ITPR1: variants seen among roughly 807,000 people sequenced by gnomAD.
ITPR1 encodes inositol 1,4,5-trisphosphate-gated calcium channel ITPR1.
ITPR1 carries 96 observed loss-of-function variants against 318.4 expected under a neutral mutation model. The ratio of observed to expected loss-of-function variants is 0.30; its 90% CI spans 0.26 to 0.36. The LOEUF (loss-of-function observed/expected upper bound fraction) is 0.36. Among genes scored for constraint, ITPR1 ranks in the 10% least tolerant of loss-of-function variants. ITPR1 has a pLI of 1.00. For synonymous variants in ITPR1, 1,312 were observed against 1,289.9 expected (o/e 1.02, Z -0.37); for missense variants, 2,440 against 3,460.2 (o/e 0.71, Z 7.40).
intron 26 of ITPR1, 97 bp downstream of exon 26, chr3:4,681,515 G>C (rs554631979): frequency 1.2e-6 from 1 of 861,872 alleles, no homozygotes; most frequent in Admixed American, 2.0e-5. Context: ...TTTAGTCTCT[G>C]GGCTTAGGTT....
chr3:4,751,115 T>G (rs532356167), intron 44 of ITPR1: 1 of 152,768 alleles, frequency 6.5e-6, no homozygotes, highest in South Asian at 2.1e-4. Flanking sequence ...CCATGCATCC[T>G]CCTTTGTCCT....
chr3:4,693,345 A>G, intron 32 of ITPR1, 145 bp from the exon 33 acceptor site: 2 of 860,544 alleles, frequency 2.3e-6, no homozygotes, highest in South Asian at 1.7e-5. Context: ...GTTCAGTTAT[A>G]TAAATGAATG....
At chr3:4,532,109 G>A (rs1358198263) in intron 4 of ITPR1, among the ~76,000 whole-genome samples, 1 of 152,158 alleles carries the variant, frequency 6.6e-6, no homozygotes, top group Non-Finnish European at 1.5e-5. Flanking sequence ...CTTTTAACTT[G>A]ATGGTTTTGA....
Position 4,779,640 on chromosome 3 carries a change from G to A in ITPR1, c.6382G>A (p.Glu2128Lys). ...ERILYNMRPK[E>K]LVEVIKKAYM... ...GATACTTTATAACATGAGGCCCAAG[G>A]AACTGGTGAGTCGGGTGACGGATCT... The change falls in exon 49 of 62, where the codon GAA becomes AAA. Residue 2128 changes from glutamate to lysine, a missense_variant. Physicochemically the swap from Glu to Lys is moderately conservative, Grantham distance 56. Around this residue, in one of 23 missense-constraint regions of ITPR1, gnomAD observed 49 missense variants for 47.2 expected, o/e 1.04. Transcript: ENST00000649015. The surrounding 1 kb of genome is among the most constrained non-coding windows in gnomAD (Gnocchi z 4.0). The A allele has an allele frequency of 6.2e-7, 1 of 1,607,018 alleles. No individual in the cohort carries two copies. The highest frequency in any genetic ancestry group is 8.5e-7 in the Non-Finnish European group (1 of 1,174,242).
rs114216040 is a variant in ITPR1, at chr3:4,640,152, G to C, written c.366+682G>C. Among the ~76,000 whole-genome samples, 1,020 of 152,266 alleles carry C rather than the reference G, an allele frequency of 6.7e-3. 8 individuals carry two copies. The highest frequency in any genetic ancestry group is 0.023 in the African/African-American group (958 of 41,550). Reference sequence around the variant, plus strand: ...CAAAGAGTAGTAGTTACCAACTATTGAGCACCTAGACCCATTTGGTGATCT... The same window carrying C: ...CAAAGAGTAGTAGTTACCAACTATTCAGCACCTAGACCCATTTGGTGATCT... On this transcript the variant is annotated intron_variant, in intron 6 of 61. Coordinates refer to ENST00000649015, the MANE Select transcript of ITPR1 (RefSeq NM_001378452.1).
intron 6 of ITPR1, among the ~76,000 whole-genome samples, chr3:4,641,145 G>A (rs919835072): frequency 6.6e-6 from 1 of 152,152 alleles, no homozygotes; most frequent in Non-Finnish European, 1.5e-5. Context: ...TCAAGGGATT[G>A]GGCAGTCTTT....
At chr3:4,792,483 G>A (rs2125411951) in intron 52 of ITPR1, among the ~76,000 whole-genome samples, 1 of 152,242 alleles carries the variant, frequency 6.6e-6, no homozygotes, top group South Asian at 2.1e-4. Flanking sequence ...GATGGTTCTG[G>A]CTCAGGTCTC....
intron 4 of ITPR1, among the ~76,000 whole-genome samples, chr3:4,618,114 A>G (rs775000454): frequency 3.3e-5 from 5 of 152,152 alleles, no homozygotes; most frequent in Non-Finnish European, 5.9e-5. Context: ...GGGATGATGA[A>G]ATGTTTTGGA....
intron 60 of ITPR1, among the ~76,000 whole-genome samples, chr3:4,828,996 G>T (rs2050259034): frequency 6.6e-6 from 1 of 152,184 alleles, no homozygotes; most frequent in African/African-American, 2.4e-5. Context: ...ACTGAAATTA[G>T]AGTCAATACG....
intron 4 of ITPR1, among the ~76,000 whole-genome samples, chr3:4,540,721 G>T (rs1035649907): frequency 2.0e-5 from 3 of 152,006 alleles, no homozygotes; most frequent in Non-Finnish European, 4.4e-5. Context: ...GGGATTACAG[G>T]CATGCCACCA....
chr3:4,543,248 C>T (rs1384246995), intron 4 of ITPR1, among the ~76,000 whole-genome samples: 57 of 144,690 alleles, frequency 3.9e-4, no homozygotes, highest in Admixed American at 2.1e-3. Flanking sequence ...GGCGACAGAG[C>T]AAGAGCCTGT....
chr3:4,549,128 G>A (rs2085308959), intron 4 of ITPR1, among the ~76,000 whole-genome samples: 1 of 152,202 alleles, frequency 6.6e-6, no homozygotes, highest in African/African-American at 2.4e-5. Flanking sequence ...CATGAAAATT[G>A]TAGTGTGTAA....
intron 44 of ITPR1, among the ~76,000 whole-genome samples, chr3:4,761,156 T>G (rs2045413889): frequency 6.6e-6 from 1 of 152,194 alleles, no homozygotes; most frequent in Non-Finnish European, 1.5e-5. Flanking sequence ...TTATTTTAGA[T>G]TCAGGAGGTA....
At chr3:4,682,570 A>G (rs1411215292) in intron 26 of ITPR1, among the ~76,000 whole-genome samples, 1 of 152,212 alleles carries the variant, frequency 6.6e-6, no homozygotes, top group African/African-American at 2.4e-5. Flanking sequence ...ATTATGTACT[A>G]TGATGGAAGA....
chr3:4,532,080 T>C (rs1162536265), intron 4 of ITPR1, among the ~76,000 whole-genome samples: 1 of 152,242 alleles, frequency 6.6e-6, no homozygotes, highest in Non-Finnish European at 1.5e-5. Context: ...GCCATAACAC[T>C]GCTAATTTTT....
At chr3:4,500,390 C>T (rs896442037) in intron 2 of ITPR1, among the ~76,000 whole-genome samples, 5 of 151,746 alleles carry the variant, frequency 3.3e-5, no homozygotes, top group Admixed American at 1.3e-4. Flanking sequence ...TTTGTAGGGA[C>T]GGGATCTCGC....
intron 3 of ITPR1, among the ~76,000 whole-genome samples, chr3:4,517,739 G>C (rs1191655411): frequency 6.6e-6 from 1 of 152,272 alleles, no homozygotes. Flanking sequence ...TATCTTCTGT[G>C]GCTTTTGGCA....
At chr3:4,777,447 C>T in intron 48 of ITPR1, 73 bp downstream of exon 48, 1 of 840,426 alleles carries the variant, frequency 1.2e-6, no homozygotes, top group Non-Finnish European at 2.0e-6. Flanking sequence ...GGCACATGCA[C>T]ATGGGCAATT....
At chr3:4,790,419 C>T (rs2047480560) in intron 52 of ITPR1, among the ~76,000 whole-genome samples, 1 of 152,132 alleles carries the variant, frequency 6.6e-6, no homozygotes, top group South Asian at 2.1e-4. Flanking sequence ...TTTTGAAAAA[C>T]AGTTTTCATT....
Sources: allele counts gnomAD v4.1 joint callset (sites outside exome capture counted in the v4.1 genomes callset), GRCh38; gene constraint gnomAD v4.1.1; regional missense constraint gnomAD v4.1.1; non-coding constraint Gnocchi (gnomAD v3.1); transcripts MANE v1.5; gene names NCBI Gene and HGNC (gene_info 2026-07-23, HGNC 2026-07-21).